SGCZ: variants seen among roughly 807,000 people sequenced by gnomAD.
SGCZ encodes sarcoglycan zeta, also known as zeta-sarcoglycan.
SGCZ carries 40 observed loss-of-function variants against 41.3 expected under a neutral mutation model. The ratio of observed to expected loss-of-function variants is 0.97; its 90% CI spans 0.75 to 1.26. The LOEUF is 1.26. SGCZ is among the 50% of genes most tolerant of loss of function. The probability of loss-of-function intolerance (pLI) is 0.00; values close to 1 mark genes in which losing one functional copy is unlikely to be tolerated. For synonymous variants in SGCZ, 206 were observed against 137.5 expected, an observed-to-expected ratio of 1.50 and a Z score of -3.49; for missense variants, 552 against 369.8, an observed-to-expected ratio of 1.49 and a Z score of -4.04.
At chr8:14,148,026 T>C (rs943160285) in intron 5 of SGCZ, among the ~76,000 whole-genome samples, 2 of 151,924 alleles carry the variant, frequency 1.3e-5, no homozygotes, top group African/African-American at 4.8e-5. Context: ...AAACACAACA[T>C]ACCAAAACCT....
intron 1 of SGCZ, among the ~76,000 whole-genome samples, chr8:15,098,190 AG>A: frequency 6.6e-6 from 1 of 152,196 alleles, no homozygotes; most frequent in East Asian, 1.9e-4. Flanking sequence ...TAAAGGAAAA[AG>A]GAGGAAGAAA....
intron 4 of SGCZ, among the ~76,000 whole-genome samples, chr8:14,226,575 C>A (rs1281289997): frequency 6.6e-6 from 1 of 152,116 alleles, no homozygotes; most frequent in East Asian, 1.9e-4. Context: ...ACTGTGTTAA[C>A]ATAGCACAGT....
At chr8:15,193,575 C>T (rs1201620783) in intron 1 of SGCZ, among the ~76,000 whole-genome samples, 1 of 151,866 alleles carries the variant, frequency 6.6e-6, no homozygotes, top group Non-Finnish European at 1.5e-5. Context: ...TGACCAATGC[C>T]CACAACCAAG....
intron 2 of SGCZ, among the ~76,000 whole-genome samples, chr8:14,449,257 A>C (rs1585529236): frequency 6.6e-6 from 1 of 152,200 alleles, no homozygotes; most frequent in African/African-American, 2.4e-5. Context: ...TTCTATTTCT[A>C]AACAAAACAT....
At chr8:14,660,571 C>CAAAAAAAAAAAA (rs71304960) in intron 1 of SGCZ, among the ~76,000 whole-genome samples, 1 of 67,292 alleles carries the variant, frequency 1.5e-5, no homozygotes, top group Admixed American at 1.8e-4. Flanking sequence ...AACTCCATCT[C>CAAAAAAAAAAAA]AAAAAAAAAA....
chr8:14,857,239 G>C (rs1803572472), intron 1 of SGCZ, among the ~76,000 whole-genome samples: 1 of 152,100 alleles, frequency 6.6e-6, no homozygotes, highest in African/African-American at 2.4e-5. Flanking sequence ...GCGGAAGCTG[G>C]CATCATGCTT....
chr8:14,794,991 T>C (rs1240857954), intron 1 of SGCZ, among the ~76,000 whole-genome samples: 1 of 152,166 alleles, frequency 6.6e-6, no homozygotes, highest in Non-Finnish European at 1.5e-5. Flanking sequence ...CAAATAACTT[T>C]TCCGGTATCT....
At chr8:14,479,140 G>A (rs1227593629) in intron 2 of SGCZ, among the ~76,000 whole-genome samples, 3 of 152,174 alleles carry the variant, frequency 2.0e-5, no homozygotes, top group African/African-American at 7.2e-5. Context: ...AGCAAGCTGA[G>A]AAGCAAGGAA....
intron 1 of SGCZ, among the ~76,000 whole-genome samples, chr8:14,824,530 C>A (rs570940529): frequency 6.6e-6 from 1 of 152,106 alleles, no homozygotes; most frequent in African/African-American, 2.4e-5. Context: ...GATATGACAT[C>A]CTATGTTTCT....
chr8:14,262,682 T>C (rs1226922890), intron 3 of SGCZ, among the ~76,000 whole-genome samples: 1 of 151,822 alleles, frequency 6.6e-6, no homozygotes, highest in Non-Finnish European at 1.5e-5. Context: ...GCTTTAAAAC[T>C]TCAAGAACCT....
At chr8:14,858,076 C>T (rs1448096366) in intron 1 of SGCZ, among the ~76,000 whole-genome samples, 1 of 152,034 alleles carries the variant, frequency 6.6e-6, no homozygotes, top group Non-Finnish European at 1.5e-5. Flanking sequence ...ATAAAAGAAG[C>T]TAAACCTTAT....
intron 1 of SGCZ, among the ~76,000 whole-genome samples, chr8:15,189,565 G>A (rs944358958): frequency 2.5e-5 from 3 of 121,092 alleles, no homozygotes; most frequent in African/African-American, 7.5e-5. Context: ...GGACCTTGAA[G>A]CATTTTTTTT....
chr8:14,224,477 T>C (rs1315795327), intron 4 of SGCZ, among the ~76,000 whole-genome samples: 1 of 152,220 alleles, frequency 6.6e-6, no homozygotes, highest in Non-Finnish European at 1.5e-5. Context: ...CTAGCTGCGC[T>C]GCCCTGGCTT....
intron 1 of SGCZ, among the ~76,000 whole-genome samples, chr8:15,016,936 A>C (rs912883592): frequency 6.6e-6 from 1 of 152,116 alleles, no homozygotes; most frequent in Non-Finnish European, 1.5e-5. Context: ...AATAATTAAT[A>C]GAGTAAGAAA....
At position 14,992,799 on chromosome 8, in the gene SGCZ, T is replaced by G. The variant is rs939302542; in HGVS notation, c.39+244786A>C. Among the ~76,000 whole-genome samples the G allele has an allele frequency of 8.4e-5, 12 of 143,164 alleles. No homozygotes were observed. The Admixed American group carries it at 8.7e-4, about 10-fold the overall frequency. 93.9% of individuals were successfully genotyped at this position (143,164 alleles called of 152,430 possible). ...TCATTCAATCTACTCCCAAAACTAG[T>G]GTTACCCTTGATATTTACCCCTCCC... is the stretch of plus-strand genomic sequence containing the variant. On this transcript the variant is annotated intron_variant, in intron 1 of 7. Transcript: ENST00000382080.
At chr8:14,954,788 C>A (rs992276725) in intron 1 of SGCZ, among the ~76,000 whole-genome samples, 1 of 152,062 alleles carries the variant, frequency 6.6e-6, no homozygotes, top group Non-Finnish European at 1.5e-5. Flanking sequence ...TTGCAGCCTG[C>A]GAGATACACT....
chr8:14,812,240 A>G (rs1308669286), intron 1 of SGCZ, among the ~76,000 whole-genome samples: 2 of 151,192 alleles, frequency 1.3e-5, no homozygotes, highest in Admixed American at 1.3e-4. Context: ...CTTGTAAATC[A>G]ATTTATTTTT....
intron 1 of SGCZ, among the ~76,000 whole-genome samples, chr8:15,120,360 T>A (rs1807433487): frequency 6.6e-6 from 1 of 152,244 alleles, no homozygotes; most frequent in African/African-American, 2.4e-5. Flanking sequence ...CAAAATCCTA[T>A]ACAGGTAGTA....
intron 2 of SGCZ, among the ~76,000 whole-genome samples, chr8:14,532,532 G>T (rs72607314): frequency 6.6e-6 from 1 of 151,806 alleles, no homozygotes; most frequent in Non-Finnish European, 1.5e-5. Flanking sequence ...GCAAGATAAA[G>T]AGAGCTAACT....
Sources: allele counts gnomAD v4.1 joint callset (sites outside exome capture counted in the v4.1 genomes callset), GRCh38; gene constraint gnomAD v4.1.1; transcripts MANE v1.5; gene names NCBI Gene and HGNC (gene_info 2026-07-23, HGNC 2026-07-21).